Variants in ABCA12 observed in about 807,000 individuals in gnomAD.
ABCA12 encodes the protein ATP binding cassette subfamily A member 12, also known as glucosylceramide transporter ABCA12.
In ABCA12, 156 loss-of-function variants were observed where a neutral mutation model predicts 293.5. The ratio of observed to expected loss-of-function variants is 0.53; its 90% CI spans 0.47 to 0.61. The LOEUF is 0.61. Ranked by LOEUF, ABCA12 falls within the 20% of genes least tolerant of loss-of-function variation. The pLI, the probability that ABCA12 is intolerant of heterozygous loss-of-function variation, is 0.00. For synonymous variants in ABCA12, 1,063 were observed against 1,108.0 expected, an observed-to-expected ratio of 0.96 and a Z score of 0.81; for missense variants, 2,797 against 3,090.2, an observed-to-expected ratio of 0.91 and a Z score of 2.25.
chr2:214,954,585 C>T (rs1380860340), intron 43 of ABCA12, among the ~76,000 whole-genome samples: 1 of 152,172 alleles, frequency 6.6e-6, no homozygotes, highest in Non-Finnish European at 1.5e-5. Context: ...ACATTATTCA[C>T]ACGTGGGCCA....
chr2:215,112,217 A>C (rs1702586092), intron 1 of ABCA12, among the ~76,000 whole-genome samples: 1 of 152,154 alleles, frequency 6.6e-6, no homozygotes, highest in African/African-American at 2.4e-5. Flanking sequence ...AAAAGAAATA[A>C]TTGAGTCAAT....
chr2:214,975,348 G>C (rs1048987504), intron 34 of ABCA12, among the ~76,000 whole-genome samples: 1 of 152,204 alleles, frequency 6.6e-6, no homozygotes, highest in Admixed American at 6.5e-5. Flanking sequence ...AAATGCACAT[G>C]TCTCTGTTTG....
intron 2 of ABCA12, among the ~76,000 whole-genome samples, chr2:215,066,031 C>G (rs547827147): frequency 6.6e-6 from 1 of 152,094 alleles, no homozygotes; most frequent in African/African-American, 2.4e-5. Context: ...AATAATTTCC[C>G]ACAATGTTTT....
At chr2:215,087,510 A>G (rs72952462) in intron 2 of ABCA12, among the ~76,000 whole-genome samples, 19 of 68,852 alleles carry the variant, frequency 2.8e-4, no homozygotes, top group Non-Finnish European at 4.6e-4. Context: ...GTGTGTGTGC[A>G]TGTGTGTGTG....
At chr2:215,032,038 A>G (rs1267653742) in intron 8 of ABCA12, 142 bp from the exon 9 acceptor site, 3 of 1,528,222 alleles carry the variant, frequency 2.0e-6, no homozygotes, top group East Asian at 2.4e-5. Flanking sequence ...ATTGTATAAA[A>G]GACATCTATG....
intron 45 of ABCA12, among the ~76,000 whole-genome samples, chr2:214,950,340 G>GTATATGTGTGTGTATATATA (rs1416023850): frequency 1.3e-5 from 2 of 150,178 alleles, no homozygotes; most frequent in Non-Finnish European, 3.0e-5. Context: ...ATATATATGT[G>GTATATGTGTGTGTATATATA]TATATGTGTG....
chr2:215,055,066 GA>G (rs1559169729), intron 3 of ABCA12, among the ~76,000 whole-genome samples: 2 of 151,914 alleles, frequency 1.3e-5, no homozygotes, highest in Admixed American at 6.6e-5. Context: ...AACATTAAAA[GA>G]AAAATAAGTT....
At chr2:215,037,296 G>T (rs545368068) in intron 7 of ABCA12, among the ~76,000 whole-genome samples, 1 of 152,108 alleles carries the variant, frequency 6.6e-6, no homozygotes, top group Non-Finnish European at 1.5e-5. Flanking sequence ...AAAACATCAG[G>T]AATCACCAGC....
At chr2:215,050,990 T>C (rs1701310121) in intron 5 of ABCA12, among the ~76,000 whole-genome samples, 1 of 152,180 alleles carries the variant, frequency 6.6e-6, no homozygotes, top group Non-Finnish European at 1.5e-5. Flanking sequence ...CCTGGATATA[T>C]AGCTCTGTGC....
chr2:215,055,756 T>C (rs1315841080), intron 3 of ABCA12, among the ~76,000 whole-genome samples: 1 of 152,028 alleles, frequency 6.6e-6, no homozygotes, highest in African/African-American at 2.4e-5. Flanking sequence ...TTTTCCAATA[T>C]TCTCCATAAA....
At chr2:214,973,141 T>C (rs1460261400) in intron 36 of ABCA12, among the ~76,000 whole-genome samples, 1 of 152,166 alleles carries the variant, frequency 6.6e-6, no homozygotes, top group Admixed American at 6.5e-5. Flanking sequence ...AATTTTTAAA[T>C]ATGCAGGGAT....
chr2:214,951,094 A>G lies in ABCA12; in HGVS notation c.6648-11T>C. The G allele has an allele frequency of 6.2e-7, 1 of 1,609,730 alleles. No homozygotes were observed. Among genetic ancestry groups the G allele is most frequent in the Non-Finnish European group, 8.5e-7 (1 of 1,176,504 alleles). On this transcript the variant is annotated splice_polypyrimidine_tract_variant and intron_variant, in intron 44 of 52. Coordinates refer to ENST00000272895, the MANE Select transcript of ABCA12 (RefSeq NM_173076.3). ...TTTCTGAAGAAAAGCCTAAAAATGGACCCAGTGATTTTACGTCAATGATTT... is the reference window on the plus strand; with the variant it reads ...TTTCTGAAGAAAAGCCTAAAAATGGGCCCAGTGATTTTACGTCAATGATTT...
intron 38 of ABCA12, among the ~76,000 whole-genome samples, chr2:214,968,063 A>G (rs1047813100): frequency 2.6e-5 from 4 of 152,138 alleles, no homozygotes; most frequent in African/African-American, 9.6e-5. Flanking sequence ...AAACATATAC[A>G]TTTTCATTTC....
intron 2 of ABCA12, chr2:215,080,907 T>C (rs1036699555): frequency 1.3e-5 from 2 of 152,366 alleles, no homozygotes; most frequent in South Asian, 2.1e-4. Context: ...ATGTTCTAAG[T>C]CCCTCTTTCC....
intron 29 of ABCA12, among the ~76,000 whole-genome samples, chr2:214,983,028 G>A (rs1699703317): frequency 1.3e-5 from 2 of 152,156 alleles, no homozygotes; most frequent in South Asian, 4.1e-4. Flanking sequence ...TGGGGGGGTA[G>A]GTGCTGTAAG....
At chr2:214,993,253 T>C (rs1699963213) in intron 23 of ABCA12, among the ~76,000 whole-genome samples, 1 of 152,188 alleles carries the variant, frequency 6.6e-6, no homozygotes, top group African/African-American at 2.4e-5. Flanking sequence ...CCTGTCACCA[T>C]TTGTAGTAAA....
intron 2 of ABCA12, among the ~76,000 whole-genome samples, chr2:215,066,064 A>C (rs1701634251): frequency 6.6e-6 from 1 of 152,154 alleles, no homozygotes; most frequent in Non-Finnish European, 1.5e-5. Context: ...TTCCCTGAAT[A>C]AAATAGAGAG....
chr2:214,957,921 G>T (rs1292667913), intron 41 of ABCA12, among the ~76,000 whole-genome samples: 1 of 152,114 alleles, frequency 6.6e-6, no homozygotes, highest in East Asian at 1.9e-4. Flanking sequence ...TTTCTCCACA[G>T]TACTGACTGT....
intron 3 of ABCA12, among the ~76,000 whole-genome samples, chr2:215,057,316 A>T (rs1329622882): frequency 6.6e-6 from 1 of 152,048 alleles, no homozygotes; most frequent in Non-Finnish European, 1.5e-5. Flanking sequence ...GGGCCCTGTC[A>T]TCATAGGTAC....
Sources: gnomAD v4.1 joint callset for allele counts (sites outside exome capture counted in the v4.1 genomes callset) on GRCh38, gnomAD v4.1.1 for gene constraint, MANE v1.5 for transcripts, NCBI Gene and HGNC (gene_info 2026-07-23, HGNC 2026-07-21) for gene names.